The following DENND1B variants were observed in gnomAD, a reference collection of about 807,000 sequenced individuals.
DENND1B encodes the protein DENN domain containing 1B, also known as DENN domain-containing protein 1B.
Under a neutral mutation model 90.1 loss-of-function variants are expected in DENND1B, and 59 were observed. That is an observed-to-expected ratio of 0.65 (90% CI 0.53 to 0.81). The LOEUF (loss-of-function observed/expected upper bound fraction) is 0.81, where lower values mean the gene tolerates loss of function less well. DENND1B is among the 40% of genes least tolerant of loss of function. The pLI is 0.00. For missense variants in DENND1B, 862 were observed against 912.6 expected (o/e 0.94, Z 0.71); for synonymous variants, 337 against 324.6 (o/e 1.04, Z -0.41).
At chr1:197,692,148 A>G (rs958881991) in intron 3 of DENND1B, among the ~76,000 whole-genome samples, 2 of 151,752 alleles carry the variant, frequency 1.3e-5, no homozygotes, top group African/African-American at 4.8e-5. Flanking sequence ...AAAAAATCTC[A>G]AATCCATTCC....
chr1:197,742,164 C>G (rs1211050350), intron 2 of DENND1B, among the ~76,000 whole-genome samples: 1 of 152,090 alleles, frequency 6.6e-6, no homozygotes, highest in Admixed American at 6.6e-5. Context: ...CTTTCAAAAA[C>G]TCAGTTCATA....
At chr1:197,644,947 A>G (rs959627446) in intron 9 of DENND1B, among the ~76,000 whole-genome samples, 4 of 152,150 alleles carry the variant, frequency 2.6e-5, no homozygotes, top group African/African-American at 9.6e-5. Context: ...TAACTTTCCA[A>G]GGGAAGCTGA....
intron 3 of DENND1B, among the ~76,000 whole-genome samples, chr1:197,677,440 C>A (rs1656205592): frequency 6.6e-6 from 1 of 152,142 alleles, no homozygotes; most frequent in Non-Finnish European, 1.5e-5. Context: ...CCTAAACTGG[C>A]AGCACCATCT....
At chr1:197,726,149 G>T (rs1661610685) in intron 2 of DENND1B, among the ~76,000 whole-genome samples, 2 of 152,166 alleles carry the variant, frequency 1.3e-5, no homozygotes, top group Non-Finnish European at 2.9e-5. Context: ...AGAATTCATG[G>T]CAAGGGCAAT....
At chr1:197,593,296 T>C (rs567477723) in intron 14 of DENND1B, among the ~76,000 whole-genome samples, 1 of 150,814 alleles carries the variant, frequency 6.6e-6, no homozygotes, top group African/African-American at 2.4e-5. Flanking sequence ...AAAAGGAAGC[T>C]TTCATTCAAA....
At position 197,775,202 on chromosome 1, in the gene DENND1B, C is replaced by A; in HGVS notation, c.-47G>T. 8.0e-7 allele frequency: 1 copy of A among 1,248,978 alleles called. No homozygotes were observed. Among genetic ancestry groups the A allele is most frequent in the Admixed American group, 4.3e-5 (1 of 23,476 alleles). The allele number at this position is 1,248,978 out of a possible 1,614,324, so 77.4% of individuals were successfully genotyped here. A position where few individuals can be genotyped will look rare whatever the true frequency, so the allele number is the denominator to read the frequency against. On this transcript the variant is annotated 5_prime_UTR_variant, in exon 1 of 23. Coordinates refer to ENST00000620048, the MANE Select transcript of DENND1B (RefSeq NM_001195215.2). Reference sequence around the variant, plus strand: ...TGTCCGTCCGGCCCCCGCGCGCTGGCCTGGAAGCCCGCAGCCCGGCCGCGC... The same window carrying A: ...TGTCCGTCCGGCCCCCGCGCGCTGGACTGGAAGCCCGCAGCCCGGCCGCGC...
chr1:197,572,543 G>A (rs1673265407), intron 15 of DENND1B, among the ~76,000 whole-genome samples: 1 of 152,214 alleles, frequency 6.6e-6, no homozygotes, highest in African/African-American at 2.4e-5. Flanking sequence ...ATCCCTGACA[G>A]CTCTGAAGGG....
At chr1:197,615,384 C>T (rs1004046422) in intron 11 of DENND1B, among the ~76,000 whole-genome samples, 1 of 150,984 alleles carries the variant, frequency 6.6e-6, no homozygotes, top group African/African-American at 2.4e-5. Flanking sequence ...CACAGTCCAA[C>T]CCACACCAGA....
intron 10 of DENND1B, among the ~76,000 whole-genome samples, chr1:197,618,314 G>C (rs1213577697): frequency 6.6e-6 from 1 of 151,114 alleles, no homozygotes; most frequent in Non-Finnish European, 1.5e-5. Context: ...GGTATCAAGA[G>C]ACTCTGTTCA....
chr1:197,775,268 G>A lies in DENND1B; in HGVS notation c.-113C>T. 2.3e-6 allele frequency: 2 copies of A among 874,138 alleles called. No individual in the cohort carries two copies. The allele number at this position is 874,138 out of a possible 1,614,324, so 54.1% of individuals were successfully genotyped here. ...CCCGCCCACGCCGGCGGCCACACAGGGAAAGAGGCTGCTCACAGCAGCCGT... is the reference window on the plus strand; with the variant it reads ...CCCGCCCACGCCGGCGGCCACACAGAGAAAGAGGCTGCTCACAGCAGCCGT... On this transcript the variant is annotated 5_prime_UTR_variant, in exon 1 of 23. Transcript: ENST00000620048.
intron 10 of DENND1B, among the ~76,000 whole-genome samples, chr1:197,638,700 C>T (rs749222174): frequency 6.6e-6 from 1 of 152,262 alleles, no homozygotes; most frequent in South Asian, 2.1e-4. Context: ...TTTGAATACA[C>T]GAGAATCTAA....
intron 2 of DENND1B, among the ~76,000 whole-genome samples, chr1:197,741,107 G>A (rs1325517630): frequency 6.6e-6 from 1 of 152,100 alleles, no homozygotes; most frequent in Non-Finnish European, 1.5e-5. Flanking sequence ...AGGCTACAAA[G>A]AGAAAGGATA....
intron 3 of DENND1B, among the ~76,000 whole-genome samples, chr1:197,699,323 C>T (rs761079535): frequency 2.6e-5 from 4 of 152,138 alleles, no homozygotes. Context: ...ACGATTATTT[C>T]AATAGATGCA....
chr1:197,688,018 A>G (rs1237747597), intron 3 of DENND1B, among the ~76,000 whole-genome samples: 1 of 152,108 alleles, frequency 6.6e-6, no homozygotes, highest in African/African-American at 2.4e-5. Context: ...GTCTGTATAC[A>G]GTAACATCAA....
intron 2 of DENND1B, among the ~76,000 whole-genome samples, chr1:197,727,542 AAAAAAG>A (rs1001476741): frequency 3.9e-5 from 6 of 152,004 alleles, no homozygotes; most frequent in South Asian, 2.1e-4. Flanking sequence ...CTCAAAAAAA[AAAAAAG>A]AAAAAGAAAA....
At chr1:197,580,552 G>A (rs1021892361) in intron 15 of DENND1B, among the ~76,000 whole-genome samples, 9 of 152,040 alleles carry the variant, frequency 5.9e-5, no homozygotes, top group Admixed American at 2.6e-4. Flanking sequence ...GAGGTCTGGG[G>A]GCACTAACAT....
chr1:197,649,259 A>G (rs983103222), intron 7 of DENND1B, among the ~76,000 whole-genome samples: 1 of 152,192 alleles, frequency 6.6e-6, no homozygotes, highest in Admixed American at 6.5e-5. Context: ...CCAACGTTTT[A>G]ACAAATTCTA....
chr1:197,550,316 T>G (rs1040733470), intron 16 of DENND1B, among the ~76,000 whole-genome samples: 2 of 152,102 alleles, frequency 1.3e-5, no homozygotes, highest in African/African-American at 4.8e-5. Flanking sequence ...AGTATATCTT[T>G]GAAGCCACAT....
chr1:197,745,298 C>T (rs892395513), intron 2 of DENND1B, among the ~76,000 whole-genome samples: 5 of 152,172 alleles, frequency 3.3e-5, no homozygotes, highest in East Asian at 1.9e-4. Context: ...TAAATGCCTT[C>T]CTCACTAAGC....
Sources: allele counts gnomAD v4.1 joint callset (sites outside exome capture counted in the v4.1 genomes callset), GRCh38; gene constraint gnomAD v4.1.1; transcripts MANE v1.5; gene names NCBI Gene and HGNC (gene_info 2026-07-23, HGNC 2026-07-21).